The following PDE1A variants were observed in gnomAD, a reference collection of about 807,000 sequenced individuals.
PDE1A encodes the protein dual specificity calcium/calmodulin-dependent 3',5'-cyclic nucleotide phosphodiesterase 1A.
PDE1A carries 35 observed loss-of-function variants against 61.7 expected under a neutral mutation model. The ratio of observed to expected loss-of-function variants is 0.57; its 90% confidence interval spans 0.43 to 0.75. The LOEUF is 0.75. PDE1A is among the 30% of genes least tolerant of loss of function. The pLI, the probability that PDE1A is intolerant of heterozygous loss-of-function variation, is 0.00. For synonymous variants in PDE1A, 232 were observed against 213.2 expected, an observed-to-expected ratio of 1.09 and a Z score of -0.77; for missense variants, 597 against 630.6, an observed-to-expected ratio of 0.95 and a Z score of 0.57.
the PDE1A span, among the ~76,000 whole-genome samples, chr2:182,611,455 CT>C: frequency 6.6e-6 from 1 of 152,346 alleles, no homozygotes; most frequent in African/African-American, 2.4e-5. Context: ...CTTTGCTACA[CT>C]TTTCACCAAA....
intron 10 of PDE1A, 131 bp downstream of exon 10, chr2:182,201,308 C>T: frequency 2.6e-6 from 3 of 1,133,390 alleles, no homozygotes; most frequent in Admixed American, 2.4e-5. Context: ...TTTGCTGAAA[C>T]CCCCAAGAAT....
At chr2:182,157,039 G>C (rs1333871360) in intron 13 of PDE1A, among the ~76,000 whole-genome samples, 1 of 142,764 alleles carries the variant, frequency 7.0e-6, no homozygotes, top group African/African-American at 2.6e-5. Context: ...TTTTGAGACA[G>C]AGTCTTGCTC....
chr2:182,455,426 T>C (rs575008362), intron 2 of PDE1A, among the ~76,000 whole-genome samples: 5 of 152,290 alleles, frequency 3.3e-5, no homozygotes, highest in South Asian at 4.2e-4. Context: ...CAAAGGATTA[T>C]AAATCATGCT....
intron 8 of PDE1A, among the ~76,000 whole-genome samples, chr2:182,202,510 C>A (rs1452876656): frequency 6.6e-6 from 1 of 152,058 alleles, no homozygotes; most frequent in Non-Finnish European, 1.5e-5. Context: ...AATATTTCCC[C>A]CCAAAGGAGA....
At chr2:182,479,959 T>C (rs1236919645) in intron 2 of PDE1A, among the ~76,000 whole-genome samples, 1 of 151,854 alleles carries the variant, frequency 6.6e-6, no homozygotes, top group Non-Finnish European at 1.5e-5. Flanking sequence ...CTGTTTCATA[T>C]GGAGAACAAA....
intron 1 of PDE1A, among the ~76,000 whole-genome samples, chr2:182,381,190 A>G (rs1236462649): frequency 6.7e-6 from 1 of 149,040 alleles, no homozygotes; most frequent in Non-Finnish European, 1.5e-5. Context: ...TTTTTTTTAC[A>G]TTTCTCAGAA....
chr2:182,497,967 A>G (rs1688817424), intron 2 of PDE1A, among the ~76,000 whole-genome samples: 1 of 148,910 alleles, frequency 6.7e-6, no homozygotes, highest in Admixed American at 6.8e-5. Context: ...AATGGCGTGA[A>G]CCCAGGAGGC....
chr2:182,555,759 A>C, the PDE1A span, among the ~76,000 whole-genome samples: 2 of 152,010 alleles, frequency 1.3e-5, no homozygotes, highest in Admixed American at 1.3e-4. Flanking sequence ...TGAGGTCAGG[A>C]GTTGGAGACC....
chr2:182,339,808 G>A (rs1056380515), intron 1 of PDE1A, among the ~76,000 whole-genome samples: 3 of 152,084 alleles, frequency 2.0e-5, no homozygotes, highest in Non-Finnish European at 4.4e-5. Flanking sequence ...GATTTAGCAG[G>A]TCTACTCCAT....
Position 182,479,646 on chromosome 2 carries a change from T to TA in PDE1A, c.101+42629dup, listed in dbSNP as rs965033970. Among the ~76,000 whole-genome samples the TA allele has an allele frequency of 3.8e-3, 568 of 149,246 alleles. 1 individual carries two copies. The highest frequency in any genetic ancestry group is 0.013 in the African/African-American group (523 of 40,766). Reference sequence around the variant, plus strand: ...CAGATTGTGACAACACTAAAGACTGTAAAAAAAAAATTAAAAGATAAATAT... The same window carrying TA: ...CAGATTGTGACAACACTAAAGACTGTAAAAAAAAAAATTAAAAGATAAATAT... On this transcript the variant is annotated intron_variant, in intron 2 of 14. Transcript: ENST00000410103.
intron 2 of PDE1A, among the ~76,000 whole-genome samples, chr2:182,513,223 G>C (rs1689920459): frequency 1.3e-5 from 2 of 152,126 alleles, no homozygotes; most frequent in African/African-American, 4.8e-5. Flanking sequence ...CCTACAGAGA[G>C]AACTCCCTTA....
the PDE1A span, among the ~76,000 whole-genome samples, chr2:182,645,522 T>C: frequency 6.6e-6 from 1 of 152,178 alleles, no homozygotes; most frequent in Non-Finnish European, 1.5e-5. Flanking sequence ...AACACTTATC[T>C]TTTTTTGTCA....
chr2:182,683,116 G>A, the PDE1A span, among the ~76,000 whole-genome samples: 1 of 141,394 alleles, frequency 7.1e-6, no homozygotes. Flanking sequence ...TTTTTGAGAT[G>A]GAGTCTCACT....
intron 2 of PDE1A, among the ~76,000 whole-genome samples, chr2:182,246,711 C>T (rs1056204358): frequency 3.3e-5 from 5 of 152,068 alleles, no homozygotes; most frequent in Non-Finnish European, 5.9e-5. Context: ...CATGCCCAGC[C>T]TTACCCTGTT....
chr2:182,536,172 A>G, the PDE1A span, among the ~76,000 whole-genome samples: 53 of 152,324 alleles, frequency 3.5e-4, 2 homozygotes, highest in Admixed American at 3.2e-3. Flanking sequence ...TGTGATTTGT[A>G]TCAACTGAGA....
intron 2 of PDE1A, among the ~76,000 whole-genome samples, chr2:182,495,580 G>A (rs191840615): frequency 8.5e-4 from 130 of 152,256 alleles, no homozygotes; most frequent in African/African-American, 3.0e-3. Flanking sequence ...TAAATCAAAG[G>A]ATTATATATT....
chr2:182,399,565 A>G (rs563080992), intron 1 of PDE1A, among the ~76,000 whole-genome samples: 11 of 152,240 alleles, frequency 7.2e-5, no homozygotes, highest in South Asian at 6.2e-4. Flanking sequence ...AAGCTTATCA[A>G]TTGTAATAGT....
intron 1 of PDE1A, among the ~76,000 whole-genome samples, chr2:182,397,537 C>T (rs907385406): frequency 6.6e-6 from 1 of 152,064 alleles, no homozygotes. Flanking sequence ...GTGTTAATGT[C>T]AGACATGAGA....
At chr2:182,512,971 C>T (rs1425315298) in intron 2 of PDE1A, among the ~76,000 whole-genome samples, 1 of 152,094 alleles carries the variant, frequency 6.6e-6, no homozygotes, top group African/African-American at 2.4e-5. Flanking sequence ...AAACCCATAA[C>T]TCAATGGCAT....
Sources: gnomAD v4.1 joint callset for allele counts (sites outside exome capture counted in the v4.1 genomes callset) on GRCh38, gnomAD v4.1.1 for gene constraint, MANE v1.5 for transcripts, NCBI Gene and HGNC (gene_info 2026-07-23, HGNC 2026-07-21) for gene names.